The following CPED1 variants were observed in gnomAD, a reference collection of about 807,000 sequenced individuals.
CPED1 encodes the protein cadherin like and PC-esterase domain containing 1.
In CPED1, 114 loss-of-function variants were observed where a neutral mutation model predicts 128.2. The ratio of observed to expected loss-of-function variants is 0.89; its 90% confidence interval spans 0.76 to 1.04. CPED1 has a LOEUF of 1.04. CPED1 is among the 50% of genes least tolerant of loss of function. The pLI, the probability that CPED1 is intolerant of heterozygous loss-of-function variation, is 0.00. For synonymous variants in CPED1, 462 were observed against 426.7 expected (o/e 1.08, Z -1.02); for missense variants, 1,211 against 1,207.1 (o/e 1.00, Z -0.05).
intron 2 of CPED1, among the ~76,000 whole-genome samples, chr7:120,999,398 C>A (rs554600288): frequency 1.3e-5 from 2 of 152,216 alleles, no homozygotes; most frequent in African/African-American, 4.8e-5. Context: ...CAAGTATCTA[C>A]CATAATAATA....
chr7:121,075,315 A>G (rs953901183), intron 5 of CPED1, among the ~76,000 whole-genome samples: 2 of 152,214 alleles, frequency 1.3e-5, no homozygotes, highest in Non-Finnish European at 1.5e-5. Flanking sequence ...GCTCACTGCG[A>G]TAGCAACAGG....
chr7:121,271,700 G>A (rs1222765687), intron 22 of CPED1, among the ~76,000 whole-genome samples: 1 of 152,012 alleles, frequency 6.6e-6, no homozygotes, highest in East Asian at 1.9e-4. Context: ...GGAACCTGGA[G>A]AGCACTTATT....
intron 18 of CPED1, among the ~76,000 whole-genome samples, chr7:121,259,863 A>C (rs917496298): frequency 6.6e-5 from 10 of 152,198 alleles, no homozygotes; most frequent in African/African-American, 2.4e-4. Flanking sequence ...CTCAGCTGTT[A>C]AAACAGGGAA....
chr7:121,004,002 G>C (rs1353184606), intron 2 of CPED1, among the ~76,000 whole-genome samples: 1 of 152,146 alleles, frequency 6.6e-6, no homozygotes, highest in Non-Finnish European at 1.5e-5. Context: ...TTAATACCAT[G>C]GTCCCTCCAT....
chr7:121,165,627 T>C (rs990303928), intron 16 of CPED1, among the ~76,000 whole-genome samples: 5 of 152,202 alleles, frequency 3.3e-5, no homozygotes, highest in East Asian at 3.8e-4. Flanking sequence ...CTTTCTCCAA[T>C]ATTTAGAGAC....
intron 16 of CPED1, among the ~76,000 whole-genome samples, chr7:121,205,189 T>C (rs10274486): frequency 0.4 from 61,446 of 151,944 alleles, 13,375 homozygotes; most frequent in East Asian, 0.79. Flanking sequence ...TCATCAAACA[T>C]GAAAAGTCTT....
At chr7:121,233,219 A>G (rs1450263232) in intron 16 of CPED1, among the ~76,000 whole-genome samples, 2 of 152,144 alleles carry the variant, frequency 1.3e-5, no homozygotes, top group Non-Finnish European at 2.9e-5. Context: ...TCAATTGAGA[A>G]CTATGACAAT....
At chr7:121,225,875 C>T (rs13437989) in intron 16 of CPED1, among the ~76,000 whole-genome samples, 61,003 of 151,808 alleles carry the variant, frequency 0.4, 13,225 homozygotes, top group East Asian at 0.79. Flanking sequence ...GTTAGCCATT[C>T]GTCTAACCTT....
At chr7:121,268,441 A>G (rs546001307) in intron 21 of CPED1, among the ~76,000 whole-genome samples, 14 of 152,118 alleles carry the variant, frequency 9.2e-5, no homozygotes, top group Non-Finnish European at 2.1e-4. Flanking sequence ...GGTGCTCATC[A>G]ATCTTTTCAA....
chr7:121,078,410 C>T (rs973198706), intron 5 of CPED1, among the ~76,000 whole-genome samples: 6 of 144,164 alleles, frequency 4.2e-5, no homozygotes, highest in Middle Eastern at 3.7e-3. Flanking sequence ...TTGAAGTAAA[C>T]GACTTTTCTA....
At chr7:121,015,608 CCTTCAAGGGAAATGTACTA>C (rs1251081444) in intron 2 of CPED1, 38 bp from the exon 3 acceptor site, 2 of 1,445,444 alleles carry the variant, frequency 1.4e-6, no homozygotes, top group East Asian at 4.8e-5. Flanking sequence ...TTCATGATGT[CCTTCAAGGGAAATGTACTA>C]CTTTTTTATA....
rs547175571 is a variant in CPED1 at position 121,250,733 on chromosome 7, T to G, written c.2310+6395T>G. Among the ~76,000 whole-genome samples, 1,223 of 152,176 alleles carry G rather than the reference T, an allele frequency of 8.0e-3. 13 individuals carry two copies. The highest frequency in any genetic ancestry group is 0.027 in the African/African-American group (1,119 of 41,508). ...GAAAATCTAGAAGAAATGGATAAAT[T>G]CCTCAACACATACACCCTCCCAAGA... On this transcript the variant is annotated intron_variant, in intron 18 of 22. Coordinates refer to ENST00000310396, the MANE Select transcript of CPED1 (RefSeq NM_024913.5).
chr7:121,062,737 G>A (rs1272753859), intron 4 of CPED1: 1 of 152,070 alleles, frequency 6.6e-6, no homozygotes, highest in Non-Finnish European at 1.5e-5. Context: ...TAATTCCCAC[G>A]TGTTGTGGGA....
chr7:121,236,379 C>G (rs1191394216), intron 16 of CPED1, among the ~76,000 whole-genome samples: 1 of 152,148 alleles, frequency 6.6e-6, no homozygotes, highest in Non-Finnish European at 1.5e-5. Flanking sequence ...CATTTCCCTT[C>G]TCACATGAAC....
chr7:121,236,644 A>AT (rs1798261638), intron 16 of CPED1, 70 bp from the exon 17 acceptor site: 1 of 930,548 alleles, frequency 1.1e-6, no homozygotes. Context: ...ATAAAGTCTT[A>AT]TTTTTTAGAT....
chr7:121,150,457 A>G (rs1394684563), intron 16 of CPED1, among the ~76,000 whole-genome samples: 1 of 151,832 alleles, frequency 6.6e-6, no homozygotes, highest in Non-Finnish European at 1.5e-5. Flanking sequence ...TTCACTGTGG[A>G]TGTGCATCTA....
At chr7:121,101,126 T>C (rs764156002) in intron 7 of CPED1, among the ~76,000 whole-genome samples, 12 of 152,124 alleles carry the variant, frequency 7.9e-5, no homozygotes, top group Non-Finnish European at 1.8e-4. Context: ...CTCTATCTGC[T>C]TCCCAACCTT....
rs559183195 is a variant in CPED1 at position 121,258,270 on chromosome 7, C to A, written c.2311-7957C>A. ...TTCATTCATTCAATGTTTGTTGAAC[C>A]AAATATCTGTTCCAGGAGCACATAT... is the stretch of plus-strand genomic sequence containing the variant. On this transcript the variant is annotated intron_variant, in intron 18 of 22. Transcript: ENST00000310396. Among the ~76,000 whole-genome samples the A allele has an allele frequency of 2.2e-4, 33 of 152,136 alleles. 1 individual carries two copies. Among genetic ancestry groups the A allele is most frequent in the Middle Eastern group, 6.8e-3 (2 of 294 alleles).
intron 16 of CPED1, among the ~76,000 whole-genome samples, chr7:121,193,577 A>G (rs1464942416): frequency 6.6e-6 from 1 of 152,128 alleles, no homozygotes; most frequent in Admixed American, 6.5e-5. Flanking sequence ...ATATGCTCCA[A>G]GATTCTAAAG....
Sources: allele counts gnomAD v4.1 joint callset (sites outside exome capture counted in the v4.1 genomes callset), GRCh38; gene constraint gnomAD v4.1.1; transcripts MANE v1.5; gene names NCBI Gene and HGNC (gene_info 2026-07-23, HGNC 2026-07-21).